The following POU6F2 variants were observed in gnomAD, a reference collection of about 807,000 sequenced individuals.
The protein encoded by POU6F2 is POU domain, class 6, transcription factor 2.
POU6F2 carries 31 observed loss-of-function variants against 71.3 expected under a neutral mutation model. The ratio of observed to expected loss-of-function variants is 0.43; its 90% confidence interval spans 0.33 to 0.59. The LOEUF (loss-of-function observed/expected upper bound fraction) is 0.59. Ranked by LOEUF, POU6F2 falls within the 20% of genes least tolerant of loss-of-function variation. The pLI, the probability that POU6F2 is intolerant of heterozygous loss-of-function variation, is 0.04. For synonymous variants in POU6F2, 347 were observed against 355.7 expected, an observed-to-expected ratio of 0.98 and a Z score of 0.27; for missense variants, 783 against 856.8, an observed-to-expected ratio of 0.91 and a Z score of 1.07.
chr7:39,206,719 A>G (rs557353675), intron 3 of POU6F2, among the ~76,000 whole-genome samples: 1 of 152,246 alleles, frequency 6.6e-6, no homozygotes, highest in African/African-American at 2.4e-5. Context: ...AGCTATTTTC[A>G]ATATTTATGT....
intron 2 of POU6F2, among the ~76,000 whole-genome samples, chr7:39,195,126 A>G (rs1793759627): frequency 6.6e-6 from 1 of 152,246 alleles, no homozygotes; most frequent in Non-Finnish European, 1.5e-5. Context: ...ATTAAATTTC[A>G]AGATTCATAT....
chr7:39,361,648 C>T (rs910322645), intron 5 of POU6F2, among the ~76,000 whole-genome samples: 13 of 152,112 alleles, frequency 8.5e-5, no homozygotes, highest in African/African-American at 1.4e-4. Context: ...TGAAGACTGC[C>T]GAACACATCA....
chr7:39,249,787 G>T (rs4442034), intron 4 of POU6F2, among the ~76,000 whole-genome samples: 19,593 of 152,132 alleles, frequency 0.13, 1,283 homozygotes, highest in African/African-American at 0.15. Context: ...AGCAAATGCA[G>T]CTCTCAATCT....
In POU6F2 at chr7:39,204,344, G is replaced by A. The variant is rs770743454; in HGVS notation, c.369+18G>A. On this transcript the variant is annotated intron_variant, in intron 3 of 9. Coordinates refer to ENST00000518318, the MANE Select transcript of POU6F2 (RefSeq NM_001370959.1). ...GGCCACAGGTCAGTATCTCTCAACT[G>A]CTTTCCACTGGGCTGCATTTAGGAT... 1 of 1,588,872 alleles carries A rather than the reference G, an allele frequency of 6.3e-7. No individual in the cohort carries two copies. Among genetic ancestry groups the A allele is most frequent in the South Asian group, 1.1e-5 (1 of 90,190 alleles).
chr7:39,000,523 A>G (rs1299077771), intron 1 of POU6F2, among the ~76,000 whole-genome samples: 1 of 97,550 alleles, frequency 1.0e-5, no homozygotes, highest in Admixed American at 1.4e-4. Context: ...TTCTCAACAT[A>G]CCCACAGACA....
At chr7:39,169,478 G>T (rs1479662804) in intron 2 of POU6F2, among the ~76,000 whole-genome samples, 1 of 152,136 alleles carries the variant, frequency 6.6e-6, no homozygotes, top group African/African-American at 2.4e-5. Context: ...TGTTCAAAGG[G>T]AATAGAGTTA....
At chr7:39,129,535 C>T (rs1030370597) in intron 2 of POU6F2, among the ~76,000 whole-genome samples, 11 of 152,034 alleles carry the variant, frequency 7.2e-5, no homozygotes, top group African/African-American at 2.4e-4. Flanking sequence ...TGGCATTTAA[C>T]CCCAATGCCT....
intron 6 of POU6F2, among the ~76,000 whole-genome samples, chr7:39,429,914 T>C (rs1788058819): frequency 6.6e-6 from 1 of 152,214 alleles, no homozygotes; most frequent in Non-Finnish European, 1.5e-5. Flanking sequence ...TAAAATATGA[T>C]TTCCACAGAT....
chr7:39,112,261 A>T (rs1791830003), intron 2 of POU6F2, among the ~76,000 whole-genome samples: 2 of 150,808 alleles, frequency 1.3e-5, no homozygotes, highest in African/African-American at 4.8e-5. Flanking sequence ...TGATACAGGT[A>T]ACTTAAAAGT....
chr7:39,179,694 A>T (rs1793401926), intron 2 of POU6F2, among the ~76,000 whole-genome samples: 1 of 152,154 alleles, frequency 6.6e-6, no homozygotes, highest in South Asian at 2.1e-4. Flanking sequence ...AGTAGGAGAG[A>T]TGGAGAGCAG....
At position 39,305,520 on chromosome 7, in the gene POU6F2, G is replaced by A. The variant is rs1438710724; in HGVS notation, c.599-34122G>A. Reference sequence around the variant, plus strand: ...TAGCCTACTCACAAGCATTCATGCCGCAATCAAGATGTGTAGACAGATGTG... The same window carrying A: ...TAGCCTACTCACAAGCATTCATGCCACAATCAAGATGTGTAGACAGATGTG... On this transcript the variant is annotated intron_variant, in intron 4 of 9. Coordinates refer to ENST00000518318, the MANE Select transcript of POU6F2 (RefSeq NM_001370959.1). Among the ~76,000 whole-genome samples, 5 of 152,294 alleles carry A rather than the reference G, an allele frequency of 3.3e-5. No individual in the cohort carries two copies. The East Asian group carries it at 5.8e-4, about 18-fold the overall frequency.
At chr7:39,068,112 C>T (rs1031259569) in intron 1 of POU6F2, among the ~76,000 whole-genome samples, 7 of 152,108 alleles carry the variant, frequency 4.6e-5, no homozygotes, top group South Asian at 2.1e-4. Flanking sequence ...TTTGATAGCC[C>T]AGCCTTATCA....
At chr7:39,096,502 T>C (rs889862096) in intron 2 of POU6F2, among the ~76,000 whole-genome samples, 1 of 152,222 alleles carries the variant, frequency 6.6e-6, no homozygotes, top group Admixed American at 6.5e-5. Flanking sequence ...GCTTCTATCA[T>C]CTTTCTGTCA....
intron 4 of POU6F2, among the ~76,000 whole-genome samples, chr7:39,219,971 A>G (rs1190086185): frequency 3.3e-5 from 5 of 152,214 alleles, no homozygotes; most frequent in Non-Finnish European, 7.3e-5. Context: ...TTATACTTCC[A>G]TATATTTCAA....
intron 4 of POU6F2, among the ~76,000 whole-genome samples, chr7:39,284,718 A>G (rs1784621357): frequency 6.6e-6 from 1 of 152,208 alleles, no homozygotes; most frequent in East Asian, 1.9e-4. Flanking sequence ...TGCCATTAAA[A>G]TCATAGCAGG....
intron 4 of POU6F2, among the ~76,000 whole-genome samples, chr7:39,294,395 G>A (rs933392670): frequency 1.4e-5 from 2 of 144,900 alleles, no homozygotes; most frequent in Non-Finnish European, 3.0e-5. Context: ...TTACTTTTGC[G>A]CCAACCTAAT....
chr7:39,025,228 T>G lies in POU6F2; in HGVS notation c.105+47170T>G, dbSNP rs545036143. ...GAGATTCAACTTCTTCCTGGTTTAG[T>G]CTTGGGAGAGTGTATGTGTCAGGGA... On this transcript the variant is annotated intron_variant, in intron 1 of 9. Coordinates refer to ENST00000518318, the MANE Select transcript of POU6F2 (RefSeq NM_001370959.1). Among the ~76,000 whole-genome samples the G allele has an allele frequency of 1.1e-4, 17 of 152,270 alleles. No homozygotes were observed. In the East Asian group the frequency reaches 3.1e-3, roughly 28 times the overall value.
In POU6F2 at chr7:39,337,214, G is replaced by A. The variant is rs147144505; in HGVS notation, c.599-2428G>A. On this transcript the variant is annotated intron_variant, in intron 4 of 9. Coordinates refer to ENST00000518318, the MANE Select transcript of POU6F2 (RefSeq NM_001370959.1). ...GGAAGTTTCAAGACACGGCTTTACC[G>A]TAACTCTCTCTTCTCTCTAGGAAAT... 5.0e-3 allele frequency among the ~76,000 whole-genome samples: 767 copies of A among 152,252 alleles called. 6 individuals carry two copies. Among genetic ancestry groups the A allele is most frequent in the Non-Finnish European group, 7.9e-3 (534 of 68,018 alleles).
intron 5 of POU6F2, among the ~76,000 whole-genome samples, chr7:39,377,880 G>C (rs904294017): frequency 1.3e-5 from 2 of 152,170 alleles, no homozygotes; most frequent in African/African-American, 4.8e-5. Context: ...CTGCATAAGA[G>C]CCACAAAAGG....
Sources: gnomAD v4.1 joint callset for allele counts (sites outside exome capture counted in the v4.1 genomes callset) on GRCh38, gnomAD v4.1.1 for gene constraint, MANE v1.5 for transcripts, NCBI Gene and HGNC (gene_info 2026-07-23, HGNC 2026-07-21) for gene names.